The following NHSL1 variants were observed in gnomAD, a reference collection of about 807,000 sequenced individuals.
The protein encoded by NHSL1 is NHS like 1.
Under a neutral mutation model 95.0 loss-of-function variants are expected in NHSL1, and 48 were observed. The observed-to-expected ratio is 0.51, with a 90% CI of 0.40 to 0.64. The LOEUF (loss-of-function observed/expected upper bound fraction) is 0.64, where lower values mean the gene tolerates loss of function less well. Ranked by LOEUF, NHSL1 falls within the 30% of genes least tolerant of loss-of-function variation. The pLI, the probability that NHSL1 is intolerant of heterozygous loss-of-function variation, is 0.00. For missense variants in NHSL1, 1,971 were observed against 2,077.7 expected (o/e 0.95, Z 1.00); for synonymous variants, 783 against 833.9 (o/e 0.94, Z 1.05).
At chr6:138,667,139 G>C (rs1785305793) in intron 1 of NHSL1, among the ~76,000 whole-genome samples, 2 of 152,010 alleles carry the variant, frequency 1.3e-5, no homozygotes, top group South Asian at 4.1e-4. Flanking sequence ...GATAATTTGG[G>C]GCCCTCAATA....
intron 3 of NHSL1, among the ~76,000 whole-genome samples, chr6:138,454,852 C>G (rs12527795): frequency 6.6e-6 from 1 of 152,194 alleles, no homozygotes; most frequent in Admixed American, 6.5e-5. Context: ...TATTCACATA[C>G]AGCACTGAGC....
chr6:138,587,218 C>G (rs1215313992), intron 1 of NHSL1, among the ~76,000 whole-genome samples: 1 of 151,628 alleles, frequency 6.6e-6, no homozygotes, highest in Non-Finnish European at 1.5e-5. Context: ...GGCGATCCGC[C>G]CACCTCAGCC....
At chr6:138,446,973 C>A in intron 4 of NHSL1, 28 bp downstream of exon 4, 3 of 1,548,974 alleles carry the variant, frequency 1.9e-6, no homozygotes, top group Non-Finnish European at 2.6e-6. Context: ...CAAGTACATT[C>A]TGAACCTGTC....
At chr6:138,656,136 C>T (rs529671492) in intron 1 of NHSL1, among the ~76,000 whole-genome samples, 3 of 151,976 alleles carry the variant, frequency 2.0e-5, no homozygotes, top group Non-Finnish European at 2.9e-5. Context: ...CACCGGTCCT[C>T]GATGAAAGGA....
chr6:138,497,872 T>C (rs774625931), intron 1 of NHSL1, among the ~76,000 whole-genome samples: 3 of 152,316 alleles, frequency 2.0e-5, no homozygotes, highest in African/African-American at 4.8e-5. Context: ...TCTCCGTAAG[T>C]TGCTAAATGA....
At chr6:138,471,313 CA>C (rs1172307083) in intron 3 of NHSL1, among the ~76,000 whole-genome samples, 1 of 152,178 alleles carries the variant, frequency 6.6e-6, no homozygotes, top group African/African-American at 2.4e-5. Context: ...CACTGGGCCC[CA>C]CTATAAACTT....
chr6:138,691,303 A>G (rs1160243048), intron 1 of NHSL1, among the ~76,000 whole-genome samples: 3 of 152,204 alleles, frequency 2.0e-5, no homozygotes, highest in Non-Finnish European at 4.4e-5. Context: ...TGACGGCACA[A>G]TCAAAGAGAT....
rs566106765 is a variant in NHSL1 at position 138,432,884 on chromosome 6, G to A, written c.1461C>T (p.Ser487=). Residue 487 remains serine (S), a synonymous_variant, in exon 6 of 8, where the codon TCC becomes TCT. Coordinates refer to ENST00000343505, the MANE Select transcript of NHSL1 (RefSeq NM_001144060.2). This position sits in a 1 kb window ranked among gnomAD's most constrained non-coding sequence, Gnocchi z 4.4. ...GGGACAACAGTGCGGGTTCACCAGG[G>A]GAATGAGGGTCTAAGTCCTGTGAAA... ...TILSQDLDPH[S]PGEPALLSLC... 1 of 1,551,630 alleles carries A rather than the reference G, an allele frequency of 6.4e-7. No homozygotes were observed. The highest frequency in any genetic ancestry group is 2.4e-5 in the East Asian group (1 of 40,910).
At chr6:138,584,151 C>T (rs1784100416) in intron 1 of NHSL1, among the ~76,000 whole-genome samples, 1 of 152,074 alleles carries the variant, frequency 6.6e-6, no homozygotes, top group South Asian at 2.1e-4. Flanking sequence ...ATATTAAAAA[C>T]CTTCCACTGA....
intron 1 of NHSL1, among the ~76,000 whole-genome samples, chr6:138,676,855 A>C (rs1046460305): frequency 2.0e-5 from 3 of 152,122 alleles, no homozygotes; most frequent in African/African-American, 7.2e-5. Flanking sequence ...AGGTTTCACT[A>C]TGTTGGACAG....
intron 4 of NHSL1, among the ~76,000 whole-genome samples, chr6:138,443,038 T>TATATATACATATATACACAC (rs1182446236): frequency 1.3e-5 from 2 of 149,266 alleles, no homozygotes; most frequent in African/African-American, 2.6e-5. Context: ...TATATACACA[T>TATATATACATATATACACAC]ATATATACAT....
At chr6:138,515,146 T>C (rs1199077069) in intron 1 of NHSL1, among the ~76,000 whole-genome samples, 1 of 152,102 alleles carries the variant, frequency 6.6e-6, no homozygotes, top group Non-Finnish European at 1.5e-5. Context: ...CAGCACACAA[T>C]TCAAAACTTA....
chr6:138,549,632 G>A (rs1009140117), upstream of NHSL1, among the ~76,000 whole-genome samples: 2 of 152,140 alleles, frequency 1.3e-5, no homozygotes, highest in African/African-American at 4.8e-5. Flanking sequence ...CCACGCTTGG[G>A]GTAATTTGTT....
At chr6:138,464,453 C>T (rs1397788317) in intron 3 of NHSL1, 5 of 276,898 alleles carry the variant, frequency 1.8e-5, no homozygotes, top group East Asian at 8.0e-5. Context: ...AGCCCTAGGC[C>T]GCTGGAGAAC....
At chr6:138,447,871 A>G (rs1046781472) in intron 3 of NHSL1, among the ~76,000 whole-genome samples, 1 of 152,220 alleles carries the variant, frequency 6.6e-6, no homozygotes, top group Non-Finnish European at 1.5e-5. Context: ...TTTTATTAAA[A>G]TTTAGTTTTG....
chr6:138,593,752 G>A (rs1411068891), intron 1 of NHSL1, among the ~76,000 whole-genome samples: 1 of 152,154 alleles, frequency 6.6e-6, no homozygotes, highest in Admixed American at 6.5e-5. Context: ...AAAGATTATA[G>A]TATTTAGCAA....
chr6:138,572,906 A>G (rs1783895449), upstream of NHSL1, among the ~76,000 whole-genome samples: 1 of 139,756 alleles, frequency 7.2e-6, no homozygotes, highest in Admixed American at 7.3e-5. Context: ...ACATTCCTAG[A>G]TGGATTTAGG....
chr6:138,654,375 G>A (rs997240974), intron 1 of NHSL1, among the ~76,000 whole-genome samples: 2 of 152,124 alleles, frequency 1.3e-5, no homozygotes, highest in East Asian at 1.9e-4. Context: ...AGAGTGATTC[G>A]AGAGCATCAT....
intron 2 of NHSL1, 46 bp from the exon 3 acceptor site, chr6:138,473,479 G>A: frequency 7.2e-7 from 1 of 1,385,380 alleles, no homozygotes; most frequent in Non-Finnish European, 9.4e-7. Context: ...TTAAAAAGCT[G>A]TACTCCTCTT....
Sources: allele counts gnomAD v4.1 joint callset (sites outside exome capture counted in the v4.1 genomes callset), GRCh38; gene constraint gnomAD v4.1.1; non-coding constraint Gnocchi (gnomAD v3.1); transcripts MANE v1.5; gene names NCBI Gene and HGNC (gene_info 2026-07-23, HGNC 2026-07-21).